Variants in GATAD2A observed in about 807,000 individuals in gnomAD.
The protein encoded by GATAD2A is GATA zinc finger domain containing 2A.
A neutral mutation model predicts 68.5 loss-of-function variants in GATAD2A; 12 were observed. The observed-to-expected ratio is 0.18, with a 90% CI of 0.11 to 0.28. The LOEUF (loss-of-function observed/expected upper bound fraction) is 0.28, where lower values mean the gene tolerates loss of function less well. GATAD2A is among the 10% of genes least tolerant of loss of function. The pLI, the probability that GATAD2A is intolerant of heterozygous loss-of-function variation, is 1.00. For missense variants in GATAD2A, 755 were observed against 868.5 expected (o/e 0.87, Z 1.64); for synonymous variants, 410 against 375.3 (o/e 1.09, Z -1.07).
Position 19,431,789 on chromosome 19 carries a change from G to C in GATAD2A, c.-7+25770G>C, listed in dbSNP as rs139466513. Among the ~76,000 whole-genome samples, 6 of 151,974 alleles carry C rather than the reference G, an allele frequency of 3.9e-5. No homozygotes were observed. The South Asian group carries it at 8.3e-4, about 21-fold the overall frequency. On this transcript the variant is annotated intron_variant, in intron 1 of 11. Transcript: ENST00000683918. ...AATCGGGCATCAGGCAGATACCCCTGCCCTTGTGGTGTGTACGTTATTGCT... is the reference window on the plus strand; with the variant it reads ...AATCGGGCATCAGGCAGATACCCCTCCCCTTGTGGTGTGTACGTTATTGCT...
At chr19:19,502,777 T>G (rs554211806) in intron 11 of GATAD2A, among the ~76,000 whole-genome samples, 2 of 152,210 alleles carry the variant, frequency 1.3e-5, no homozygotes, top group Non-Finnish European at 2.9e-5. Context: ...CGACAAAACA[T>G]GGGCCAGGCC....
At chr19:19,428,297 T>TG (rs927048593) in intron 1 of GATAD2A, among the ~76,000 whole-genome samples, 2 of 152,252 alleles carry the variant, frequency 1.3e-5, no homozygotes, top group African/African-American at 4.8e-5. Context: ...TTAGGACTGC[T>TG]GCATGCACTG....
At chr19:19,487,554 C>A (rs1418038828) in intron 2 of GATAD2A, among the ~76,000 whole-genome samples, 1 of 152,078 alleles carries the variant, frequency 6.6e-6, no homozygotes, top group Non-Finnish European at 1.5e-5. Flanking sequence ...CACCAGCCAG[C>A]CCTTCTTGGG....
intron 1 of GATAD2A, among the ~76,000 whole-genome samples, chr19:19,450,760 AAAC>A (rs1181555862): frequency 6.6e-6 from 1 of 150,678 alleles, no homozygotes; most frequent in Non-Finnish European, 1.5e-5. Flanking sequence ...AAAAAAAAAA[AAAC>A]TCTTTTTTTT....
intron 1 of GATAD2A, among the ~76,000 whole-genome samples, chr19:19,410,266 G>A (rs1281909608): frequency 6.6e-6 from 1 of 151,440 alleles, no homozygotes; most frequent in Non-Finnish European, 1.5e-5. Flanking sequence ...GATAGGATTT[G>A]CTGGCAGGAG....
intron 1 of GATAD2A, among the ~76,000 whole-genome samples, chr19:19,391,999 A>G (rs1486341032): frequency 6.6e-6 from 1 of 150,376 alleles, no homozygotes; most frequent in Non-Finnish European, 1.5e-5. Context: ...TTTGATTTCT[A>G]GTTTTAAGTT....
At chr19:19,394,909 G>C (rs574202710) in intron 1 of GATAD2A, among the ~76,000 whole-genome samples, 1 of 152,360 alleles carries the variant, frequency 6.6e-6, no homozygotes, top group East Asian at 1.9e-4. Context: ...ACAGCCTCGA[G>C]GGCAAGAGGG....
intron 1 of GATAD2A, among the ~76,000 whole-genome samples, chr19:19,423,208 T>C (rs942032056): frequency 6.6e-6 from 1 of 152,174 alleles, no homozygotes; most frequent in Non-Finnish European, 1.5e-5. Flanking sequence ...AGTCCCATTG[T>C]ATTGCCTAGG....
At chr19:19,446,776 C>T (rs1324728265) in intron 1 of GATAD2A, among the ~76,000 whole-genome samples, 1 of 152,210 alleles carries the variant, frequency 6.6e-6, no homozygotes, top group East Asian at 1.9e-4. Context: ...CCAGGCCGAT[C>T]TCAAACTCTT....
chr19:19,467,401 C>T (rs939670696), intron 2 of GATAD2A, among the ~76,000 whole-genome samples: 1 of 151,956 alleles, frequency 6.6e-6, no homozygotes, highest in Admixed American at 6.6e-5. Context: ...TTGCTAGCAC[C>T]TCTGAAGCCC....
chr19:19,419,287 C>G (rs1434007580), intron 1 of GATAD2A, among the ~76,000 whole-genome samples: 6 of 152,144 alleles, frequency 3.9e-5, no homozygotes, highest in Non-Finnish European at 7.3e-5. Flanking sequence ...ATGACCCAGG[C>G]CGGGTAGTAT....
intron 2 of GATAD2A, among the ~76,000 whole-genome samples, chr19:19,472,204 T>C (rs898454091): frequency 6.6e-6 from 1 of 152,120 alleles, no homozygotes; most frequent in Non-Finnish European, 1.5e-5. Context: ...CGGTTCTTTC[T>C]GTTTTGTTTT....
intron 2 of GATAD2A, among the ~76,000 whole-genome samples, chr19:19,469,534 A>G (rs1047595841): frequency 8.5e-5 from 13 of 152,246 alleles, no homozygotes; most frequent in Admixed American, 2.6e-4. Flanking sequence ...AAAGGAACAA[A>G]CAAGAGGACA....
chr19:19,444,872 TAAAAAAA>T (rs10641522), intron 1 of GATAD2A, among the ~76,000 whole-genome samples: 5 of 123,192 alleles, frequency 4.1e-5, no homozygotes, highest in Non-Finnish European at 6.5e-5. Context: ...CCTCGTCCCT[TAAAAAAA>T]AAAAAAAAAA....
chr19:19,451,010 T>C (rs899489135), intron 1 of GATAD2A, among the ~76,000 whole-genome samples: 6 of 151,650 alleles, frequency 4.0e-5, no homozygotes, highest in South Asian at 4.2e-4. Flanking sequence ...GACCATGTGA[T>C]CCGCCTGCCT....
chr19:19,453,727 A>T (rs2056633306), intron 1 of GATAD2A, among the ~76,000 whole-genome samples: 1 of 150,280 alleles, frequency 6.7e-6, no homozygotes, highest in South Asian at 2.1e-4. Context: ...CCCAGGCTGG[A>T]GCGCAGTGGA....
rs2060307075 is a variant in GATAD2A, at chr19:19,498,618, A to G, written c.1100A>G (p.Lys367Arg). 6.2e-7 allele frequency: 1 copy of G among 1,613,484 alleles called. No homozygotes were observed. The highest frequency in any genetic ancestry group is 1.7e-5 in the Admixed American group (1 of 59,994). ...EKTLLEIPPP[K>R]PPAPEMNFLP... ...ACGCTACTCGAGATCCCCCCACCCA[A>G]GCCCCCAGCCCCAGAGATGAACTTC... The change falls in exon 8 of 12, where the codon AAG becomes AGG. Residue 367 changes from lysine to arginine, a missense_variant. Lys to Arg is a conservative substitution (Grantham distance 26). Transcript: ENST00000683918.
At chr19:19,413,318 T>C (rs571370346) in intron 1 of GATAD2A, among the ~76,000 whole-genome samples, 2 of 152,360 alleles carry the variant, frequency 1.3e-5, no homozygotes, top group South Asian at 4.1e-4. Context: ...AGGAGAGTGG[T>C]GAACTGAATT....
chr19:19,423,168 A>C (rs1368646779), intron 1 of GATAD2A, among the ~76,000 whole-genome samples: 2 of 152,128 alleles, frequency 1.3e-5, no homozygotes, highest in Non-Finnish European at 2.9e-5. Flanking sequence ...CACCACTCCC[A>C]GCTAATTTGA....
Sources: allele counts gnomAD v4.1 joint callset (sites outside exome capture counted in the v4.1 genomes callset), GRCh38; gene constraint gnomAD v4.1.1; transcripts MANE v1.5; gene names NCBI Gene and HGNC (gene_info 2026-07-23, HGNC 2026-07-21).